Variants in SCUBE1 observed in about 807,000 individuals in gnomAD.
SCUBE1 encodes signal peptide, CUB domain and EGF like domain containing 1.
SCUBE1 carries 59 observed loss-of-function variants against 124.4 expected under a neutral mutation model. The ratio of observed to expected loss-of-function variants is 0.47; its 90% confidence interval spans 0.38 to 0.59. The LOEUF (loss-of-function observed/expected upper bound fraction) is 0.59. Ranked by LOEUF, SCUBE1 falls within the 20% of genes least tolerant of loss-of-function variation. The probability of loss-of-function intolerance (pLI) is 0.00; values close to 1 mark genes in which losing one functional copy is unlikely to be tolerated. For missense variants in SCUBE1, 1,150 were observed against 1,371.2 expected, an observed-to-expected ratio of 0.84 and a Z score of 2.55; for synonymous variants, 545 against 550.9, an observed-to-expected ratio of 0.99 and a Z score of 0.15.
chr22:43,240,064 T>C (rs1922941951), intron 6 of SCUBE1, among the ~76,000 whole-genome samples: 1 of 152,126 alleles, frequency 6.6e-6, no homozygotes, highest in African/African-American at 2.4e-5. Context: ...AACTTCACCT[T>C]GTAGGCGTGT....
intron 6 of SCUBE1, among the ~76,000 whole-genome samples, chr22:43,242,664 G>A (rs1463870276): frequency 4.6e-5 from 7 of 152,246 alleles, no homozygotes; most frequent in African/African-American, 9.6e-5. Context: ...GGAGGAGGAC[G>A]CAGAGCAGCC....
At chr22:43,227,296 C>G in intron 10 of SCUBE1, 78 bp downstream of exon 10, 1 of 1,504,416 alleles carries the variant, frequency 6.6e-7, no homozygotes, top group South Asian at 1.2e-5. Context: ...TGCTCACCCC[C>G]ACCTCAGAAA....
intron 3 of SCUBE1, among the ~76,000 whole-genome samples, chr22:43,303,844 C>T (rs540635380): frequency 4.6e-5 from 7 of 152,340 alleles, no homozygotes; most frequent in African/African-American, 1.4e-4. Flanking sequence ...ATTTTGTTTC[C>T]GTCTTTTTGC....
chr22:43,202,793 A>G lies in SCUBE1; in HGVS notation c.*1204T>C. 1 of 152,384 alleles carries G rather than the reference A, an allele frequency of 6.6e-6. No individual in the cohort carries two copies. Among genetic ancestry groups the G allele is most frequent in the Non-Finnish European group, 1.5e-5 (1 of 68,100 alleles). The allele number at this position is 152,384 out of a possible 1,614,324, so 9.4% of individuals were successfully genotyped here. On this transcript the variant is annotated 3_prime_UTR_variant, in exon 22 of 22. Transcript: ENST00000360835. Reference sequence around the variant, plus strand: ...GGGGGTGGCATGGCGTAGCAAGAGGAGGCTGCACTGGGAGCCTGGCCTCTG... The same window carrying G: ...GGGGGTGGCATGGCGTAGCAAGAGGGGGCTGCACTGGGAGCCTGGCCTCTG...
At chr22:43,243,431 C>T (rs184168268) in intron 6 of SCUBE1, among the ~76,000 whole-genome samples, 33 of 152,384 alleles carry the variant, frequency 2.2e-4, no homozygotes, top group Non-Finnish European at 4.1e-4. Context: ...CTGGGGAGCT[C>T]CTGCTTTGGG....
intron 3 of SCUBE1, among the ~76,000 whole-genome samples, chr22:43,308,379 C>G (rs536383452): frequency 6.6e-6 from 1 of 152,138 alleles, no homozygotes; most frequent in Non-Finnish European, 1.5e-5. Context: ...AGGAAGAAAC[C>G]TCTTGAGTTT....
chr22:43,259,247 C>G (rs1372542243), intron 5 of SCUBE1, among the ~76,000 whole-genome samples: 2 of 152,182 alleles, frequency 1.3e-5, no homozygotes, highest in Non-Finnish European at 2.9e-5. Context: ...TTGATGCTGG[C>G]GAGACAGCTG....
chr22:43,214,047 GCCCAC>G, intron 16 of SCUBE1, 38 bp downstream of exon 16: 1 of 143,440 alleles, frequency 7.0e-6, no homozygotes, highest in Non-Finnish European at 1.3e-5. Flanking sequence ...AGGAGCCCCC[GCCCAC>G]CCCCCACCCC....
At position 43,241,578 on chromosome 22, in the gene SCUBE1, C is replaced by T. The variant is rs185612206; in HGVS notation, c.728-2624G>A. ...TCATCATCCTCCTCTAGCAGCTCCT[C>T]CCCCAGTGCTCCCTGTCTGCAGGAA... On this transcript the variant is annotated intron_variant, in intron 6 of 21. Coordinates refer to ENST00000360835, the MANE Select transcript of SCUBE1 (RefSeq NM_173050.5). Among the ~76,000 whole-genome samples the T allele has an allele frequency of 2.1e-4, 32 of 152,210 alleles. No homozygotes were observed. The East Asian group carries it at 5.0e-3, about 24-fold the overall frequency.
chr22:43,221,720 A>C (rs182922909), intron 12 of SCUBE1, among the ~76,000 whole-genome samples: 14 of 152,360 alleles, frequency 9.2e-5, no homozygotes, highest in Admixed American at 8.5e-4. Context: ...CCTTGGACTA[A>C]AGAATCCTAC....
intron 6 of SCUBE1, among the ~76,000 whole-genome samples, chr22:43,256,808 C>A (rs1457269921): frequency 6.6e-6 from 1 of 152,118 alleles, no homozygotes; most frequent in Admixed American, 6.5e-5. Context: ...CGGGAGAGCC[C>A]CAGGCCGGAC....
chr22:43,270,499 C>T (rs1456195184), intron 4 of SCUBE1: 1 of 152,266 alleles, frequency 6.6e-6, no homozygotes, highest in Non-Finnish European at 1.5e-5. Context: ...ACAGCTTCTC[C>T]AGGGTGCCGA....
intron 4 of SCUBE1, among the ~76,000 whole-genome samples, chr22:43,266,223 G>A (rs1284720739): frequency 3.9e-5 from 6 of 152,192 alleles, no homozygotes; most frequent in Admixed American, 2.6e-4. Flanking sequence ...AGGCTCACCC[G>A]CTGCATGGTG....
intron 3 of SCUBE1, among the ~76,000 whole-genome samples, chr22:43,310,677 G>A (rs1380380659): frequency 6.6e-6 from 1 of 152,326 alleles, no homozygotes; most frequent in East Asian, 1.9e-4. Context: ...CTAAATGTGA[G>A]GTAGTTTTTT....
chr22:43,226,814 G>A (rs1335062895), intron 10 of SCUBE1, among the ~76,000 whole-genome samples: 1 of 152,148 alleles, frequency 6.6e-6, no homozygotes, highest in Non-Finnish European at 1.5e-5. Flanking sequence ...ACCAGGGAAC[G>A]CAGGGGCCCG....
rs1044416014 is a variant in SCUBE1 at position 43,202,064 on chromosome 22, G to T, written c.*1933C>A. On this transcript the variant is annotated 3_prime_UTR_variant, in exon 22 of 22. Transcript: ENST00000360835. ...AGTGCAGAGGCTCCACTCTCTCTCC[G>T]ACTTGAGTTGGACTTCAGCAGAGAA... 1.3e-5 allele frequency: 2 copies of T among 152,364 alleles called. No homozygotes were observed. Among genetic ancestry groups the T allele is most frequent in the African/African-American group, 4.8e-5 (2 of 41,564 alleles). The allele number at this position is 152,364 out of a possible 1,614,324, so 9.4% of individuals were successfully genotyped here. A position where few individuals can be genotyped will look rare whatever the true frequency, so the allele number is the denominator to read the frequency against.
At chr22:43,216,713 C>T (rs1569497459) in intron 15 of SCUBE1, among the ~76,000 whole-genome samples, 1 of 151,782 alleles carries the variant, frequency 6.6e-6, no homozygotes, top group African/African-American at 2.4e-5. Context: ...CTCCCTTTGT[C>T]CCCCCTTGTC....
chr22:43,305,254 T>C (rs575638856), intron 3 of SCUBE1, among the ~76,000 whole-genome samples: 18 of 152,128 alleles, frequency 1.2e-4, no homozygotes, highest in African/African-American at 3.1e-4. Flanking sequence ...GCTTGCTCTA[T>C]TGGAGGGGTG....
At chr22:43,341,745 C>T (rs1041718038) in intron 1 of SCUBE1, among the ~76,000 whole-genome samples, 13 of 152,176 alleles carry the variant, frequency 8.5e-5, no homozygotes, top group East Asian at 1.9e-4. Flanking sequence ...CCCTGCAGGG[C>T]GACCCAGCCC....
Sources: allele counts gnomAD v4.1 joint callset (sites outside exome capture counted in the v4.1 genomes callset), GRCh38; gene constraint gnomAD v4.1.1; transcripts MANE v1.5; gene names NCBI Gene and HGNC (gene_info 2026-07-23, HGNC 2026-07-21).